Variants in GRIK2 observed in about 807,000 individuals in gnomAD.
GRIK2 encodes the protein glutamate ionotropic receptor kainate type subunit 2, also known as glutamate receptor ionotropic, kainate 2.
Under a neutral mutation model 100.3 loss-of-function variants are expected in GRIK2, and 32 were observed. The observed-to-expected ratio is 0.32, with a 90% CI of 0.24 to 0.43. The LOEUF (loss-of-function observed/expected upper bound fraction) is 0.43. Ranked by LOEUF, GRIK2 falls within the 20% of genes least tolerant of loss-of-function variation. GRIK2 has a pLI of 1.00. For missense variants in GRIK2, 843 were observed against 1,114.9 expected (o/e 0.76, Z 3.47); for synonymous variants, 417 against 389.4 (o/e 1.07, Z -0.83).
chr6:102,007,211 T>C (rs1217239813), intron 14 of GRIK2, among the ~76,000 whole-genome samples: 1 of 152,110 alleles, frequency 6.6e-6, no homozygotes, highest in Non-Finnish European at 1.5e-5. Context: ...AAGTCATGAT[T>C]GTAACTGTTT....
chr6:101,799,128 G>C (rs1344991873), intron 7 of GRIK2, among the ~76,000 whole-genome samples: 1 of 152,040 alleles, frequency 6.6e-6, no homozygotes, highest in Non-Finnish European at 1.5e-5. Context: ...TCTTTTTAAA[G>C]CTAAAAGATT....
chr6:101,403,457 A>G (rs1775433296), intron 2 of GRIK2, among the ~76,000 whole-genome samples: 1 of 152,232 alleles, frequency 6.6e-6, no homozygotes, highest in Non-Finnish European at 1.5e-5. Context: ...GTGGGACAGC[A>G]ATCACACAGT....
chr6:101,483,613 T>G (rs1772651419), intron 2 of GRIK2, among the ~76,000 whole-genome samples: 1 of 152,190 alleles, frequency 6.6e-6, no homozygotes, highest in Non-Finnish European at 1.5e-5. Context: ...CTTGCTCTGT[T>G]GCCTAGGCTG....
chr6:101,595,179 A>G (rs1386543865), intron 2 of GRIK2, among the ~76,000 whole-genome samples: 5 of 151,718 alleles, frequency 3.3e-5, no homozygotes, highest in African/African-American at 1.2e-4. Flanking sequence ...AAAAAGGAAG[A>G]AGGCAAGAAA....
chr6:101,661,844 C>G (rs1769641645), intron 4 of GRIK2, among the ~76,000 whole-genome samples: 1 of 152,150 alleles, frequency 6.6e-6, no homozygotes, highest in Non-Finnish European at 1.5e-5. Flanking sequence ...CTGGGTACCT[C>G]AGTTGGAAAT....
At chr6:101,979,235 T>A (rs1012666148) in intron 14 of GRIK2, among the ~76,000 whole-genome samples, 1 of 151,648 alleles carries the variant, frequency 6.6e-6, no homozygotes, top group African/African-American at 2.4e-5. Flanking sequence ...TATGGAAGAG[T>A]TGCAGTTTTT....
At chr6:101,690,776 T>C (rs1192322984) in intron 7 of GRIK2, among the ~76,000 whole-genome samples, 4 of 152,176 alleles carry the variant, frequency 2.6e-5, no homozygotes, top group Non-Finnish European at 5.9e-5. Flanking sequence ...TATTCCAGCA[T>C]AGGATACTTC....
intron 7 of GRIK2, among the ~76,000 whole-genome samples, chr6:101,753,369 TA>T: frequency 6.6e-6 from 1 of 151,430 alleles, no homozygotes; most frequent in East Asian, 1.9e-4. Flanking sequence ...ATGAATATAA[TA>T]AGATTTCCTA....
intron 11 of GRIK2, among the ~76,000 whole-genome samples, chr6:101,872,617 T>C (rs1318618702): frequency 1.3e-5 from 2 of 151,782 alleles, no homozygotes; most frequent in African/African-American, 4.8e-5. Flanking sequence ...AGTTTTATTC[T>C]TTCACCTCTT....
intron 2 of GRIK2, among the ~76,000 whole-genome samples, chr6:101,533,365 G>A (rs570476942): frequency 6.6e-6 from 1 of 151,602 alleles, no homozygotes; most frequent in African/African-American, 2.4e-5. Context: ...AACAGTATAG[G>A]GATTAATGTA....
At chr6:101,755,581 G>A (rs1583080744) in intron 7 of GRIK2, among the ~76,000 whole-genome samples, 1 of 152,128 alleles carries the variant, frequency 6.6e-6, no homozygotes, top group Non-Finnish European at 1.5e-5. Context: ...GAGATATAAT[G>A]GGAGAAAATG....
At chr6:101,709,774 C>T (rs1773576536) in intron 7 of GRIK2, among the ~76,000 whole-genome samples, 1 of 151,700 alleles carries the variant, frequency 6.6e-6, no homozygotes, top group Non-Finnish European at 1.5e-5. Context: ...ATCTGGATTG[C>T]AGGGTTCAAA....
intron 4 of GRIK2, among the ~76,000 whole-genome samples, chr6:101,666,931 C>T (rs1562296379): frequency 6.6e-6 from 1 of 152,238 alleles, no homozygotes; most frequent in African/African-American, 2.4e-5. Context: ...ATGTGCCAAG[C>T]ACAGTGCTAA....
At chr6:101,976,807 A>T (rs974965008) in intron 14 of GRIK2, among the ~76,000 whole-genome samples, 25 of 120,544 alleles carry the variant, frequency 2.1e-4, no homozygotes, top group African/African-American at 7.0e-4. Context: ...TTCATTGTTT[A>T]AAAAAAAAAA....
At chr6:101,637,147 A>G (rs1394285551) in intron 4 of GRIK2, among the ~76,000 whole-genome samples, 1 of 151,884 alleles carries the variant, frequency 6.6e-6, no homozygotes, top group Non-Finnish European at 1.5e-5. Context: ...TCAAGATTTT[A>G]TTCCCAGTCT....
chr6:102,029,934 T>C (rs1201379885), intron 14 of GRIK2, among the ~76,000 whole-genome samples: 1 of 151,258 alleles, frequency 6.6e-6, no homozygotes, highest in African/African-American at 2.4e-5. Flanking sequence ...TACATACATA[T>C]ATATAAAGTT....
At chr6:101,705,852 T>C (rs1773250145) in intron 7 of GRIK2, among the ~76,000 whole-genome samples, 1 of 151,950 alleles carries the variant, frequency 6.6e-6, no homozygotes, top group Non-Finnish European at 1.5e-5. Context: ...TTGTTTCTTT[T>C]TTAGCTGTTT....
intron 4 of GRIK2, among the ~76,000 whole-genome samples, chr6:101,644,261 A>T (rs1032078904): frequency 6.6e-6 from 1 of 151,858 alleles, no homozygotes; most frequent in Non-Finnish European, 1.5e-5. Context: ...AGTTGGTTGG[A>T]GAACTAAACA....
chr6:101,802,997 C>A (rs9498712), intron 9 of GRIK2, among the ~76,000 whole-genome samples: 18,915 of 151,576 alleles, frequency 0.12, 1,584 homozygotes, highest in African/African-American at 0.24. Flanking sequence ...GGGTATGTGC[C>A]TACTTAATGA....
Sources: gnomAD v4.1 joint callset for allele counts (sites outside exome capture counted in the v4.1 genomes callset) on GRCh38, gnomAD v4.1.1 for gene constraint, MANE v1.5 for transcripts, NCBI Gene and HGNC (gene_info 2026-07-23, HGNC 2026-07-21) for gene names.